The following CCDC191 variants were observed in gnomAD, a reference collection of about 807,000 sequenced individuals.
CCDC191 encodes the protein coiled-coil domain containing 191, also known as coiled-coil domain-containing protein 191.
Under a neutral mutation model 114.0 loss-of-function variants are expected in CCDC191, and 99 were observed. The observed-to-expected ratio is 0.87, with a 90% CI of 0.74 to 1.03. CCDC191 has a LOEUF of 1.03. CCDC191 is among the 50% of genes least tolerant of loss of function. The probability of loss-of-function intolerance (pLI) is 0.00; values close to 1 mark genes in which losing one functional copy is unlikely to be tolerated. For missense variants in CCDC191, 973 were observed against 1,087.0 expected, an observed-to-expected ratio of 0.90 and a Z score of 1.47; for synonymous variants, 351 against 376.0, an observed-to-expected ratio of 0.93 and a Z score of 0.77.
chr3:113,965,092 G>A lies in CCDC191; in HGVS notation c.*63C>T, dbSNP rs991443216. On this transcript the variant is annotated 3_prime_UTR_variant, in exon 17 of 17. Transcript: ENST00000295878. ...GTGTATGTATGTATGTGTGTGGGTGGGTGGAGATAACACACATACAGACTA... is the reference window on the plus strand; with the variant it reads ...GTGTATGTATGTATGTGTGTGGGTGAGTGGAGATAACACACATACAGACTA... The A allele has an allele frequency of 3.3e-5, 30 of 916,208 alleles. No homozygotes were observed. In the African/African-American group the frequency reaches 4.4e-4, roughly 13 times the overall value. The allele number at this position is 916,208 out of a possible 1,614,324, so 56.8% of individuals were successfully genotyped here. A position where few individuals can be genotyped will look rare whatever the true frequency, so the allele number is the denominator to read the frequency against.
chr3:113,975,655 A>C (rs926126867), intron 16 of CCDC191, among the ~76,000 whole-genome samples: 2 of 152,216 alleles, frequency 1.3e-5, no homozygotes, highest in African/African-American at 4.8e-5. Context: ...GGGCAGTTTA[A>C]TGGATAGACA....
In CCDC191 at chr3:114,006,084, T is replaced by C; in HGVS notation, c.1414-122A>G. On this transcript the variant is annotated intron_variant, in intron 9 of 16. Transcript: ENST00000295878. Reference sequence around the variant, plus strand: ...AACTGCCATGTATTGCAGGTAAAGGTGGTCTGTGCTCCTGGCCTGGCTACC... The same window carrying C: ...AACTGCCATGTATTGCAGGTAAAGGCGGTCTGTGCTCCTGGCCTGGCTACC... 4.5e-6 allele frequency: 4 copies of C among 879,538 alleles called. No individual in the cohort carries two copies. In the East Asian group the frequency reaches 1.0e-4, roughly 23 times the overall value. The allele number at this position is 879,538 out of a possible 1,614,324, so 54.5% of individuals were successfully genotyped here.
At chr3:113,972,960 G>T (rs1254907940) in intron 16 of CCDC191, among the ~76,000 whole-genome samples, 1 of 152,016 alleles carries the variant, frequency 6.6e-6, no homozygotes, top group Non-Finnish European at 1.5e-5. Context: ...AGGTGAAGTA[G>T]GTGTCTTATA....
intron 16 of CCDC191, among the ~76,000 whole-genome samples, chr3:113,967,015 C>G: frequency 6.6e-6 from 1 of 152,084 alleles, no homozygotes; most frequent in East Asian, 1.9e-4. Context: ...ACGAGAATCA[C>G]TTGAACCTGG....
chr3:113,989,620 TA>T (rs1334731196), intron 13 of CCDC191, among the ~76,000 whole-genome samples: 1 of 152,084 alleles, frequency 6.6e-6, no homozygotes, highest in African/African-American at 2.4e-5. Context: ...TAAGTAAAGA[TA>T]AAAATATCAA....
At chr3:114,003,292 G>A (rs921921527) in intron 11 of CCDC191, 3 of 985,370 alleles carry the variant, frequency 3.0e-6, no homozygotes, top group Non-Finnish European at 3.6e-6. Flanking sequence ...ACCTAAGCCA[G>A]CCAATAGTTA....
At chr3:113,999,866 T>C (rs2075819812) in intron 13 of CCDC191, among the ~76,000 whole-genome samples, 1 of 152,228 alleles carries the variant, frequency 6.6e-6, no homozygotes, top group Non-Finnish European at 1.5e-5. Context: ...TTTAAGTATT[T>C]AAGTTATGGG....
In CCDC191 at chr3:114,000,024, C is replaced by T. The variant is rs141841773; in HGVS notation, c.2163+1571G>A. ...ATTGTCTTTATTTGCAGATTAACTACGGTTTAAGGAGATGTGCATGGGTGC... is the reference window on the plus strand; with the variant it reads ...ATTGTCTTTATTTGCAGATTAACTATGGTTTAAGGAGATGTGCATGGGTGC... On this transcript the variant is annotated intron_variant, in intron 13 of 16. Coordinates refer to ENST00000295878, the MANE Select transcript of CCDC191 (RefSeq NM_020817.2). Among the ~76,000 whole-genome samples, 47 of 152,224 alleles carry T rather than the reference C, an allele frequency of 3.1e-4. 1 individual carries two copies. In the East Asian group the frequency reaches 7.0e-3, roughly 23 times the overall value.
At chr3:113,986,310 T>G (rs189589642) in intron 13 of CCDC191, among the ~76,000 whole-genome samples, 80 of 152,182 alleles carry the variant, frequency 5.3e-4, no homozygotes, top group Non-Finnish European at 7.4e-5. Context: ...AACAAAATAG[T>G]GCATCTGAGA....
chr3:114,001,146 A>G (rs977297796), intron 13 of CCDC191, among the ~76,000 whole-genome samples: 3 of 152,056 alleles, frequency 2.0e-5, no homozygotes, highest in Non-Finnish European at 4.4e-5. Flanking sequence ...CCATTTGTTC[A>G]TTCATTTATT....
intron 4 of CCDC191, among the ~76,000 whole-genome samples, chr3:114,041,976 T>G (rs1179502751): frequency 1.3e-5 from 2 of 151,004 alleles, no homozygotes; most frequent in Non-Finnish European, 2.9e-5. Flanking sequence ...CTGTGCACAG[T>G]AGTGGTTTTT....
chr3:113,998,231 G>A (rs1034990276), intron 13 of CCDC191, among the ~76,000 whole-genome samples: 7 of 150,582 alleles, frequency 4.6e-5, no homozygotes, highest in South Asian at 2.1e-4. Flanking sequence ...ACTTGAACCC[G>A]GGAGGCGGAA....
At chr3:113,987,245 C>T (rs1022281828) in intron 13 of CCDC191, among the ~76,000 whole-genome samples, 1 of 151,060 alleles carries the variant, frequency 6.6e-6, no homozygotes, top group Admixed American at 6.6e-5. Flanking sequence ...AATTCACTGC[C>T]AGCAGATCTA....
At chr3:113,972,980 C>T (rs1302910722) in intron 16 of CCDC191, among the ~76,000 whole-genome samples, 2 of 152,072 alleles carry the variant, frequency 1.3e-5, no homozygotes, top group Admixed American at 6.5e-5. Flanking sequence ...AGGCAGCATA[C>T]AGTTGGATCT....
In CCDC191 at chr3:113,980,713, C is replaced by T. The variant is rs374610112; in HGVS notation, c.2244G>A (p.Leu748=). The T allele has an allele frequency of 3.1e-5, 50 of 1,609,162 alleles. No homozygotes were observed. Among genetic ancestry groups the T allele is most frequent in the Non-Finnish European group, 4.1e-5 (48 of 1,178,488 alleles). ...AIAKEHYERV[L]LRKKGLEPWK... ...AAGGCTCTAGACCTTTTTTCCTTAG[C>T]AAGACCCTTTCATAATGTTCTTTGG... The change falls in exon 14 of 17, where the codon TTG becomes TTA. Residue 748 remains leucine (L), a synonymous_variant. Transcript: ENST00000295878.
At chr3:114,002,962 A>G (rs558305675) in intron 11 of CCDC191, 8 of 985,018 alleles carry the variant, frequency 8.1e-6, no homozygotes, top group Non-Finnish European at 9.6e-6. Context: ...TGAATCTGCT[A>G]ATTTTTCTTA....
intron 13 of CCDC191, among the ~76,000 whole-genome samples, chr3:113,999,371 G>A (rs1274318953): frequency 6.6e-6 from 1 of 152,158 alleles, no homozygotes; most frequent in Non-Finnish European, 1.5e-5. Context: ...GCAAAGAAGG[G>A]AGTTATGAGG....
chr3:114,021,459 A>T (rs976344532), intron 7 of CCDC191, among the ~76,000 whole-genome samples: 7 of 148,104 alleles, frequency 4.7e-5, no homozygotes, highest in Non-Finnish European at 7.5e-5. Flanking sequence ...AATTTAAATT[A>T]AAAAAAAAAG....
chr3:113,968,928 C>G, intron 16 of CCDC191, among the ~76,000 whole-genome samples: 1 of 150,864 alleles, frequency 6.6e-6, no homozygotes, highest in Admixed American at 6.6e-5. Context: ...TGCAGTTTTG[C>G]CAGCTGTACA....
Sources: gnomAD v4.1 joint callset for allele counts (sites outside exome capture counted in the v4.1 genomes callset) on GRCh38, gnomAD v4.1.1 for gene constraint, MANE v1.5 for transcripts, NCBI Gene and HGNC (gene_info 2026-07-23, HGNC 2026-07-21) for gene names.